Variants in PCDHA3 observed in about 807,000 individuals in gnomAD.
PCDHA3 encodes protocadherin alpha 3.
In PCDHA3, 41 loss-of-function variants were observed where a neutral mutation model predicts 62.2. The observed-to-expected ratio is 0.66, with a 90% CI of 0.51 to 0.86. PCDHA3 has a LOEUF of 0.86. Among genes scored for constraint, PCDHA3 ranks in the 40% least tolerant of loss-of-function variants. The pLI is 0.00. For missense variants in PCDHA3, 1,304 were observed against 1,241.2 expected (o/e 1.05, Z -0.76); for synonymous variants, 640 against 555.4 (o/e 1.15, Z -2.14).
At chr5:140,933,262 T>G (rs2088985963) in intron 1 of PCDHA3, among the ~76,000 whole-genome samples, 1 of 152,012 alleles carries the variant, frequency 6.6e-6, no homozygotes, top group South Asian at 2.1e-4. Flanking sequence ...AAAAGGTTAT[T>G]ATATATTCAT....
In PCDHA3 at chr5:140,850,134, A is replaced by C. The variant is rs2150469280; in HGVS notation, c.2394+46543A>C. 12 of 1,595,730 alleles carry C rather than the reference A, an allele frequency of 7.5e-6. 1 individual carries two copies. The highest frequency in any genetic ancestry group is 1.0e-5 in the Non-Finnish European group (12 of 1,167,876). On this transcript the variant is annotated intron_variant, in intron 1 of 3. Transcript: ENST00000522353. ...CGACGCGGGCGTGCCGCCTCTGGGC[A>C]GCAACGTGACGCTGCAGGTGTTCGT...
intron 1 of PCDHA3, chr5:140,813,324 A>G (rs2126645651): frequency 6.6e-6 from 1 of 152,344 alleles, no homozygotes; most frequent in African/African-American, 2.4e-5. Flanking sequence ...ATGAGAGTGT[A>G]CTTACATATT....
In PCDHA3 at chr5:140,967,952, C is replaced by T. The variant is rs562783714; in HGVS notation, c.2395-10997C>T. ...CAGTGTCAATGACCAAGACTCAGGC[C>T]CCAACCGGAAAGTGAGCCTGGGTCT... is the stretch of plus-strand genomic sequence containing the variant. On this transcript the variant is annotated intron_variant, in intron 1 of 3. Coordinates refer to ENST00000522353, the MANE Select transcript of PCDHA3 (RefSeq NM_018906.3). The T allele has an allele frequency of 3.1e-6, 5 of 1,614,176 alleles. No individual in the cohort carries two copies. In the African/African-American group the frequency reaches 6.7e-5, roughly 22 times the overall value.
intron 3 of PCDHA3, among the ~76,000 whole-genome samples, chr5:140,999,091 T>A (rs1342614556): frequency 2.0e-5 from 3 of 152,208 alleles, no homozygotes; most frequent in African/African-American, 7.2e-5. Flanking sequence ...TTCAGAGGGC[T>A]ATGGAGAGTA....
chr5:140,966,793 G>A lies in PCDHA3; in HGVS notation c.2395-12156G>A, dbSNP rs1456903567. 4.6e-6 allele frequency: 7 copies of A among 1,532,300 alleles called. No homozygotes were observed. The Admixed American group carries it at 5.8e-5, about 13-fold the overall frequency. The allele number at this position is 1,532,300 out of a possible 1,614,324, so 94.9% of individuals were successfully genotyped here. A position where few individuals can be genotyped will look rare whatever the true frequency, so the allele number is the denominator to read the frequency against. ...TGGAGCAGGCGGGCACCAGACCTGC[G>A]GCGACAGAGCATCCACGGCTCCGGC... On this transcript the variant is annotated intron_variant, in intron 1 of 3. Transcript: ENST00000522353.
intron 1 of PCDHA3, among the ~76,000 whole-genome samples, chr5:140,895,655 A>G (rs2065093360): frequency 6.6e-6 from 1 of 152,154 alleles, no homozygotes. Context: ...TCCCACTTAT[A>G]AGTGAGAACA....
At chr5:140,836,080 T>C (rs1470495662) in intron 1 of PCDHA3, 12 of 1,613,584 alleles carry the variant, frequency 7.4e-6, no homozygotes, top group African/African-American at 1.3e-5. Context: ...CCGGCACTGC[T>C]GGCGCCTCGG....
In PCDHA3 at chr5:140,937,196, C is replaced by G. The variant is rs915023517; in HGVS notation, c.2395-41753C>G. On this transcript the variant is annotated intron_variant, in intron 1 of 3. Transcript: ENST00000522353. ...GGGACTACAGGCGCCCGCCACCATG[C>G]CCGGCTAATTTTTTGTATTTTTTGT... Among the ~76,000 whole-genome samples, 5 of 152,108 alleles carry G rather than the reference C, an allele frequency of 3.3e-5. No homozygotes were observed. In the East Asian group the frequency reaches 7.8e-4, roughly 24 times the overall value.
intron 1 of PCDHA3, chr5:140,807,488 G>A (rs1053803675): frequency 6.2e-7 from 1 of 1,613,550 alleles, no homozygotes; most frequent in Non-Finnish European, 8.5e-7. Context: ...GCGGAGCGCG[G>A]AGTGCAGCAT....
chr5:140,810,430 T>C (rs1297266211), intron 1 of PCDHA3: 18 of 152,238 alleles, frequency 1.2e-4, no homozygotes, highest in Non-Finnish European at 2.2e-4. Flanking sequence ...CAAGATGTTT[T>C]TACCTGTTTA....
chr5:140,967,725 T>C lies in PCDHA3; in HGVS notation c.2395-11224T>C, dbSNP rs782758957. 16 of 1,613,798 alleles carry C rather than the reference T, an allele frequency of 9.9e-6. No individual in the cohort carries two copies. The East Asian group carries it at 2.0e-4, about 20-fold the overall frequency. On this transcript the variant is annotated intron_variant, in intron 1 of 3. Transcript: ENST00000522353. ...GCCAGTACCGGGGAAGTGCGAGTAA[T>C]TGGGGGGCTGGATTATGAGGAAGCC...
chr5:140,896,410 T>C (rs1554186951), intron 1 of PCDHA3, among the ~76,000 whole-genome samples: 1 of 152,154 alleles, frequency 6.6e-6, no homozygotes, highest in Non-Finnish European at 1.5e-5. Context: ...TTTTGACTTT[T>C]TAGTAATAGC....
chr5:140,836,110 C>T, intron 1 of PCDHA3: 1 of 1,613,694 alleles, frequency 6.2e-7, no homozygotes, highest in Non-Finnish European at 8.5e-7. Flanking sequence ...ACTGGTGGCG[C>T]AGTGAGAGAG....
At chr5:140,850,645 T>G in intron 1 of PCDHA3, 1 of 1,598,542 alleles carries the variant, frequency 6.3e-7, no homozygotes. Flanking sequence ...ACGCTGCTGC[T>G]GTACACTGTG....
At chr5:140,883,614 A>G (rs2059700095) in intron 1 of PCDHA3, 1 of 1,613,816 alleles carries the variant, frequency 6.2e-7, no homozygotes, top group South Asian at 1.1e-5. Context: ...GCCGACGTGA[A>G]CGACAACGCG....
At chr5:140,835,062 C>G in intron 1 of PCDHA3, 2 of 1,216,122 alleles carry the variant, frequency 1.6e-6, no homozygotes, top group South Asian at 1.5e-5. Context: ...TGGCACCGTT[C>G]AATTACTCAT....
chr5:140,879,310 T>A (rs541864795), intron 1 of PCDHA3, among the ~76,000 whole-genome samples: 1 of 152,296 alleles, frequency 6.6e-6, no homozygotes, highest in African/African-American at 2.4e-5. Context: ...AAAGTAGAAG[T>A]TGACTCTCAC....
At chr5:140,968,094 A>T in intron 1 of PCDHA3, 1 of 1,614,138 alleles carries the variant, frequency 6.2e-7, no homozygotes, top group Non-Finnish European at 8.5e-7. Flanking sequence ...ACAGCCACAG[A>T]TGGGGGAATA....
At chr5:140,982,253 A>G (rs1209317234) in intron 2 of PCDHA3, 16 of 777,640 alleles carry the variant, frequency 2.1e-5, no homozygotes, top group Admixed American at 3.3e-5. Context: ...AAGATAGAAC[A>G]TGTGTGTTCC....
Sources: gnomAD v4.1 joint callset for allele counts (sites outside exome capture counted in the v4.1 genomes callset) on GRCh38, gnomAD v4.1.1 for gene constraint, MANE v1.5 for transcripts, NCBI Gene and HGNC (gene_info 2026-07-23, HGNC 2026-07-21) for gene names.